MCF2L2: variants seen among roughly 807,000 people sequenced by gnomAD.
The protein encoded by MCF2L2 is probable guanine nucleotide exchange factor MCF2L2.
A neutral mutation model predicts 150.2 loss-of-function variants in MCF2L2; 102 were observed. The ratio of observed to expected loss-of-function variants is 0.68; its 90% CI spans 0.58 to 0.80. The LOEUF (loss-of-function observed/expected upper bound fraction) is 0.80, where lower values mean the gene tolerates loss of function less well. Ranked by LOEUF, MCF2L2 falls within the 30% of genes least tolerant of loss-of-function variation. MCF2L2 has a pLI of 0.00. For synonymous variants in MCF2L2, 465 were observed against 491.3 expected, an observed-to-expected ratio of 0.95 and a Z score of 0.71; for missense variants, 1,256 against 1,372.8, an observed-to-expected ratio of 0.91 and a Z score of 1.34.
chr3:183,218,785 G>T (rs976836103), intron 21 of MCF2L2, among the ~76,000 whole-genome samples: 1 of 151,960 alleles, frequency 6.6e-6, no homozygotes, highest in Non-Finnish European at 1.5e-5. Context: ...CAAAACACGA[G>T]GTGGCTAGGG....
At chr3:183,265,185 A>T (rs1725979082) in intron 15 of MCF2L2, 2 of 152,312 alleles carry the variant, frequency 1.3e-5, no homozygotes, top group South Asian at 4.1e-4. Context: ...ACCGAATCAG[A>T]GTGAGGTGAG....
chr3:183,200,622 G>A (rs1722245049), intron 25 of MCF2L2, among the ~76,000 whole-genome samples: 1 of 152,172 alleles, frequency 6.6e-6, no homozygotes, highest in Non-Finnish European at 1.5e-5. Context: ...AAACTCTTTA[G>A]TTTAATTAGA....
chr3:183,399,926 A>G (rs965170085), intron 1 of MCF2L2, among the ~76,000 whole-genome samples: 1 of 152,186 alleles, frequency 6.6e-6, no homozygotes, highest in Non-Finnish European at 1.5e-5. Flanking sequence ...TATGTTGGTA[A>G]TTTTAAAAAA....
At chr3:183,184,867 T>A (rs1245756505) in intron 27 of MCF2L2, among the ~76,000 whole-genome samples, 1 of 152,230 alleles carries the variant, frequency 6.6e-6, no homozygotes, top group Non-Finnish European at 1.5e-5. Context: ...GCAAATTCTA[T>A]TTTTATTGTC....
At chr3:183,308,044 C>T (rs1729185073) in intron 10 of MCF2L2, among the ~76,000 whole-genome samples, 1 of 152,218 alleles carries the variant, frequency 6.6e-6, no homozygotes, top group South Asian at 2.1e-4. Context: ...AAAGTAGCAT[C>T]CCCAGTCACT....
At chr3:183,331,533 G>T (rs1465332974) in intron 5 of MCF2L2, among the ~76,000 whole-genome samples, 2 of 152,164 alleles carry the variant, frequency 1.3e-5, no homozygotes, top group African/African-American at 4.8e-5. Context: ...TTCTTTCAAA[G>T]AAATACATGG....
chr3:183,218,499 G>T (rs1259410252), intron 21 of MCF2L2, among the ~76,000 whole-genome samples: 1 of 152,128 alleles, frequency 6.6e-6, no homozygotes, highest in Non-Finnish European at 1.5e-5. Context: ...GCCGGGCGTG[G>T]TGGCGGGTGC....
chr3:183,191,178 CT>C (rs1455724611), intron 27 of MCF2L2, among the ~76,000 whole-genome samples: 2 of 152,124 alleles, frequency 1.3e-5, no homozygotes, highest in African/African-American at 2.4e-5. Flanking sequence ...ACCCGGCTGA[CT>C]TTATTTTTTT....
chr3:183,255,817 A>AAG (rs1724992900), intron 15 of MCF2L2, among the ~76,000 whole-genome samples: 1 of 152,094 alleles, frequency 6.6e-6, no homozygotes, highest in African/African-American at 2.4e-5. Context: ...TAAAAAAAAA[A>AAG]AAAAAGAAAA....
intron 3 of MCF2L2, among the ~76,000 whole-genome samples, chr3:183,361,110 GAAAAAAGA>G (rs1560040362): frequency 2.8e-5 from 4 of 143,578 alleles, no homozygotes; most frequent in African/African-American, 1.1e-4. Context: ...GACAAGAAAA[GAAAAAAGA>G]AAAAGAAAAG....
intron 2 of MCF2L2, among the ~76,000 whole-genome samples, chr3:183,385,411 C>T (rs1481536793): frequency 5.3e-5 from 8 of 152,128 alleles, no homozygotes; most frequent in Non-Finnish European, 1.2e-4. Context: ...TTAGGAGCCT[C>T]CCACTCACCC....
chr3:183,380,490 C>T (rs753156806), intron 2 of MCF2L2, among the ~76,000 whole-genome samples: 1 of 152,208 alleles, frequency 6.6e-6, no homozygotes, highest in Admixed American at 6.5e-5. Context: ...CAACCTCTGA[C>T]TCACAGGTTC....
chr3:183,272,119 AG>A, intron 15 of MCF2L2: 1 of 998,430 alleles, frequency 1.0e-6, no homozygotes, highest in Non-Finnish European at 1.2e-6. Flanking sequence ...GTGATAGAAA[AG>A]TTGCCAGTTT....
intron 15 of MCF2L2, among the ~76,000 whole-genome samples, chr3:183,275,547 T>C (rs557646996): frequency 6.6e-6 from 1 of 152,376 alleles, no homozygotes; most frequent in South Asian, 2.1e-4. Context: ...AGTTGAGTGC[T>C]GTAACTTTAT....
chr3:183,213,674 T>C (rs187418456), intron 22 of MCF2L2, among the ~76,000 whole-genome samples: 3 of 152,126 alleles, frequency 2.0e-5, no homozygotes. Flanking sequence ...TCAATTCTAA[T>C]CAGAAACAGA....
chr3:183,178,444 G>C lies in MCF2L2; in HGVS notation c.*936C>G, dbSNP rs1474396597. ...GATCACACCACTGCACTCCAGCCTGGGCGACAGAGCGAGACTCCGTCTCGA... is the reference window on the plus strand; with the variant it reads ...GATCACACCACTGCACTCCAGCCTGCGCGACAGAGCGAGACTCCGTCTCGA... On this transcript the variant is annotated 3_prime_UTR_variant, in exon 30 of 30. Coordinates refer to ENST00000328913, the MANE Select transcript of MCF2L2 (RefSeq NM_015078.4). 6.7e-6 allele frequency: 1 copy of C among 150,322 alleles called. No homozygotes were observed. The highest frequency in any genetic ancestry group is 1.9e-4 in the East Asian group (1 of 5,174). The allele number at this position is 150,322 out of a possible 1,614,324, so 9.3% of individuals were successfully genotyped here. A position where few individuals can be genotyped will look rare whatever the true frequency, so the allele number is the denominator to read the frequency against.
At position 183,299,986 on chromosome 3, in the gene MCF2L2, T is replaced by C. The variant is rs915429057; in HGVS notation, c.1305+19A>G. ...AGAAAATCTTGCAGACATCATGTTCTTGGCTGTGTTTTGCTCACCTTGTCC... is the reference window on the plus strand; with the variant it reads ...AGAAAATCTTGCAGACATCATGTTCCTGGCTGTGTTTTGCTCACCTTGTCC... On this transcript the variant is annotated intron_variant, in intron 11 of 29. Coordinates refer to ENST00000328913, the MANE Select transcript of MCF2L2 (RefSeq NM_015078.4). The C allele has an allele frequency of 2.5e-6, 4 of 1,606,968 alleles. No individual in the cohort carries two copies. In the Admixed American group the frequency reaches 7.0e-5, roughly 28 times the overall value.
rs1560327153 is a variant in MCF2L2 at position 183,179,487 on chromosome 3, C to T, written c.3238G>A (p.Glu1080Lys). Residue 1080 changes from glutamate to lysine, a missense_variant, in exon 30 of 30, where the codon GAG (glutamate) becomes AAG (lysine). Transcript: ENST00000328913. This position sits in a 1 kb window ranked among gnomAD's most constrained non-coding sequence, Gnocchi z 4.2. ...DEEETATRST[E>K]EERAGASTGR... Reference sequence around the variant, plus strand: ...GTGGACGCCCCAGCGCGCTCCTCCTCGGTGCTGCGGGTCGCCCTGCAATTC... The same window carrying T: ...GTGGACGCCCCAGCGCGCTCCTCCTTGGTGCTGCGGGTCGCCCTGCAATTC... The T allele has an allele frequency of 1.2e-6, 2 of 1,607,574 alleles. No individual in the cohort carries two copies. The highest frequency in any genetic ancestry group is 1.7e-6 in the Non-Finnish European group (2 of 1,176,440).
intron 14 of MCF2L2, among the ~76,000 whole-genome samples, chr3:183,288,588 T>C (rs1319631931): frequency 6.6e-6 from 1 of 151,974 alleles, no homozygotes; most frequent in African/African-American, 2.4e-5. Context: ...TTCAAGCAAT[T>C]TTCCTGCCTC....
Sources: gnomAD v4.1 joint callset for allele counts (sites outside exome capture counted in the v4.1 genomes callset) on GRCh38, gnomAD v4.1.1 for gene constraint, Gnocchi (gnomAD v3.1) non-coding constraint, MANE v1.5 for transcripts, NCBI Gene and HGNC (gene_info 2026-07-23, HGNC 2026-07-21) for gene names.